Variants in TRAPPC9 observed in about 807,000 individuals in gnomAD.
TRAPPC9 encodes the protein trafficking protein particle complex subunit 9.
Under a neutral mutation model 124.0 loss-of-function variants are expected in TRAPPC9, and 83 were observed. The observed-to-expected ratio is 0.67, with a 90% CI of 0.56 to 0.80. The LOEUF (loss-of-function observed/expected upper bound fraction) is 0.80, where lower values mean the gene tolerates loss of function less well. Ranked by LOEUF, TRAPPC9 falls within the 30% of genes least tolerant of loss-of-function variation. TRAPPC9 has a pLI of 0.00. For synonymous variants in TRAPPC9, 638 were observed against 617.5 expected, an observed-to-expected ratio of 1.03 and a Z score of -0.49; for missense variants, 1,302 against 1,508.3, an observed-to-expected ratio of 0.86 and a Z score of 2.27.
At chr8:139,959,000 C>T (rs1554680765) in intron 19 of TRAPPC9, among the ~76,000 whole-genome samples, 1 of 149,588 alleles carries the variant, frequency 6.7e-6, no homozygotes, top group Admixed American at 6.6e-5. Context: ...CACTGCATTC[C>T]GAGTCACACG....
intron 1 of TRAPPC9, among the ~76,000 whole-genome samples, chr8:140,455,284 C>T (rs2071613525): frequency 6.6e-6 from 1 of 151,954 alleles, no homozygotes; most frequent in Admixed American, 6.6e-5. Flanking sequence ...AGGCGTGAGC[C>T]ACCATGCTCG....
intron 17 of TRAPPC9, among the ~76,000 whole-genome samples, chr8:140,073,902 C>A (rs535970376): frequency 1.3e-5 from 2 of 152,316 alleles, no homozygotes; most frequent in East Asian, 3.9e-4. Flanking sequence ...TCACCTATTG[C>A]ATCCCTGATA....
intron 17 of TRAPPC9, among the ~76,000 whole-genome samples, chr8:140,049,446 A>G (rs1280950646): frequency 6.6e-6 from 1 of 151,762 alleles, no homozygotes; most frequent in Non-Finnish European, 1.5e-5. Context: ...TTCACTAGGG[A>G]CCTGCGGAAG....
chr8:139,940,021 G>GTT (rs111303371), intron 19 of TRAPPC9, among the ~76,000 whole-genome samples: 1 of 152,220 alleles, frequency 6.6e-6, no homozygotes, highest in African/African-American at 2.4e-5. Context: ...TCAATTTGTT[G>GTT]TTTCTTTTTT....
At chr8:140,136,955 G>A (rs1328074987) in intron 17 of TRAPPC9, among the ~76,000 whole-genome samples, 1 of 152,146 alleles carries the variant, frequency 6.6e-6, no homozygotes, top group African/African-American at 2.4e-5. Context: ...ACCTAATTAA[G>A]AGAATTTAAA....
intron 9 of TRAPPC9, among the ~76,000 whole-genome samples, chr8:140,324,197 G>A (rs1284488417): frequency 6.6e-6 from 1 of 152,172 alleles, no homozygotes; most frequent in Non-Finnish European, 1.5e-5. Flanking sequence ...GAAAATAAAA[G>A]GATGGGGGGG....
At position 139,728,325 on chromosome 8, in the gene TRAPPC9, C is replaced by T. The variant is rs868148621; in HGVS notation, c.*2736G>A. On this transcript the variant is annotated 3_prime_UTR_variant, in exon 23 of 23. Coordinates refer to ENST00000438773, the MANE Select transcript of TRAPPC9 (RefSeq NM_001160372.4). ...ATCAGAAGGGCAGAACCAACTCGCT[C>T]AGCTAGTGAAGTGCAATGGACATGA... is the stretch of plus-strand genomic sequence containing the variant. Among the ~76,000 whole-genome samples the T allele has an allele frequency of 1.3e-5, 2 of 152,208 alleles. No individual in the cohort carries two copies. Among genetic ancestry groups the T allele is most frequent in the African/African-American group, 4.8e-5 (2 of 41,440 alleles).
chr8:140,128,092 C>T (rs774511076), intron 17 of TRAPPC9, among the ~76,000 whole-genome samples: 1 of 152,192 alleles, frequency 6.6e-6, no homozygotes, highest in East Asian at 1.9e-4. Context: ...ATGGCATATA[C>T]AAAAGTTAGA....
intron 19 of TRAPPC9, among the ~76,000 whole-genome samples, chr8:139,966,852 A>G (rs1835739324): frequency 1.3e-5 from 2 of 152,252 alleles, no homozygotes; most frequent in Non-Finnish European, 2.9e-5. Context: ...CATTCCCGAC[A>G]TACGGTTTAG....
At chr8:140,286,689 G>A (rs2065492486) in intron 13 of TRAPPC9, among the ~76,000 whole-genome samples, 1 of 152,126 alleles carries the variant, frequency 6.6e-6, no homozygotes, top group Admixed American at 6.5e-5. Context: ...GGGCAGTTTT[G>A]GGGAGGCGAG....
rs772149505 is a variant in TRAPPC9, at chr8:139,885,977, T to C, written c.2965-8A>G. 3 of 1,560,602 alleles carry C rather than the reference T, an allele frequency of 1.9e-6. No individual in the cohort carries two copies. The stretch of plus-strand genomic sequence containing the variant: ...ACTGCGCTTCAGGGAGGGGTGAGCC[T>C]TGGTCAAGGAAAACGCAACTCCTGC... On this transcript the variant is annotated splice_region_variant and splice_polypyrimidine_tract_variant and intron_variant, in intron 20 of 22. Transcript: ENST00000438773.
chr8:139,995,482 C>A (rs1837905854), intron 18 of TRAPPC9, among the ~76,000 whole-genome samples: 3 of 152,142 alleles, frequency 2.0e-5, no homozygotes, highest in Admixed American at 2.0e-4. Flanking sequence ...AGCTGAGGTC[C>A]CAAAACCAGG....
chr8:140,058,123 T>G (rs993851003), intron 17 of TRAPPC9, among the ~76,000 whole-genome samples: 3 of 152,186 alleles, frequency 2.0e-5, no homozygotes, highest in Non-Finnish European at 4.4e-5. Context: ...TTTTAGAAAA[T>G]TCCTGGGTCA....
chr8:140,458,482 C>G (rs778011112), upstream of TRAPPC9: 17 of 1,573,202 alleles, frequency 1.1e-5, no homozygotes, highest in Admixed American at 2.0e-4. Flanking sequence ...TCGCAGGGCC[C>G]GGGAGGCACG....
chr8:139,769,617 C>G (rs1364444177), intron 21 of TRAPPC9, among the ~76,000 whole-genome samples: 2 of 152,152 alleles, frequency 1.3e-5, no homozygotes, highest in Non-Finnish European at 2.9e-5. Flanking sequence ...CTTCCAGATA[C>G]TTTTAGAAAG....
At chr8:140,005,721 T>C (rs946525186) in intron 18 of TRAPPC9, among the ~76,000 whole-genome samples, 1 of 151,800 alleles carries the variant, frequency 6.6e-6, no homozygotes, top group Non-Finnish European at 1.5e-5. Context: ...CTACAGATGA[T>C]GGGACTCACT....
rs372509048 is a variant in TRAPPC9, at chr8:140,242,041, A to G, written c.2431+10736T>C. On this transcript the variant is annotated intron_variant, in intron 16 of 22. Transcript: ENST00000438773. ...CGAGTGGGTTGGCAGAAAAAGAGAG[A>G]CGGACATTCCAGGTGGAGGGAAGAG... 1.1e-4 allele frequency among the ~76,000 whole-genome samples: 17 copies of G among 152,188 alleles called. No individual in the cohort carries two copies. The East Asian group carries it at 1.5e-3, about 14-fold the overall frequency.
intron 17 of TRAPPC9, among the ~76,000 whole-genome samples, chr8:140,169,597 G>A (rs1393884162): frequency 1.3e-5 from 2 of 152,106 alleles, no homozygotes; most frequent in Non-Finnish European, 2.9e-5. Context: ...GCCACGAGAA[G>A]GAAGGAAGCA....
At chr8:140,269,032 G>A (rs2064787666) in intron 15 of TRAPPC9, among the ~76,000 whole-genome samples, 1 of 152,118 alleles carries the variant, frequency 6.6e-6, no homozygotes, top group East Asian at 1.9e-4. Flanking sequence ...GAATTTTCTG[G>A]GGTGGCGGAA....
Sources: gnomAD v4.1 joint callset for allele counts (sites outside exome capture counted in the v4.1 genomes callset) on GRCh38, gnomAD v4.1.1 for gene constraint, MANE v1.5 for transcripts, NCBI Gene and HGNC (gene_info 2026-07-23, HGNC 2026-07-21) for gene names.